MLPH: variants seen among roughly 807,000 people sequenced by gnomAD.
MLPH encodes the protein melanophilin.
In MLPH, 51 loss-of-function variants were observed where a neutral mutation model predicts 72.1. That is an observed-to-expected ratio of 0.71 (90% CI 0.56 to 0.89). The LOEUF (loss-of-function observed/expected upper bound fraction) is 0.89. MLPH is among the 40% of genes least tolerant of loss of function. MLPH has a pLI of 0.00. For missense variants in MLPH, 743 were observed against 759.9 expected (o/e 0.98, Z 0.26); for synonymous variants, 301 against 310.1 (o/e 0.97, Z 0.31).
chr2:237,495,560 G>T (rs959344195), intron 2 of MLPH, among the ~76,000 whole-genome samples: 1 of 152,182 alleles, frequency 6.6e-6, no homozygotes, highest in Non-Finnish European at 1.5e-5. Flanking sequence ...GCTGAACAGG[G>T]TCCGCAACAA....
At chr2:237,529,209 A>C (rs1041115423) in intron 8 of MLPH, among the ~76,000 whole-genome samples, 4 of 151,932 alleles carry the variant, frequency 2.6e-5, no homozygotes, top group Admixed American at 6.6e-5. Flanking sequence ...CGCCCGGCTA[A>C]TTTTTGTATT....
In MLPH at chr2:237,505,157, A is replaced by T. The variant is rs992197598; in HGVS notation, c.111-5417A>T. On this transcript the variant is annotated intron_variant, in intron 2 of 15. Transcript: ENST00000264605. This position sits in a 1 kb window ranked among gnomAD's most constrained non-coding sequence, Gnocchi z 4.5. ...GGTTGATGGGGTCTGGACTCCACAC[A>T]CTGTCCCCACCTCCTTGCTGGTCCT... Among the ~76,000 whole-genome samples the T allele has an allele frequency of 6.6e-6, 1 of 151,960 alleles. No individual in the cohort carries two copies. Among genetic ancestry groups the T allele is most frequent in the Admixed American group, 6.5e-5 (1 of 15,270 alleles).
intron 2 of MLPH, among the ~76,000 whole-genome samples, chr2:237,501,164 C>A (rs959644761): frequency 2.2e-4 from 33 of 152,174 alleles, no homozygotes; most frequent in African/African-American, 6.8e-4. Context: ...CTGCCGGCAT[C>A]TAAGCCCCAT....
In MLPH at chr2:237,540,288, C is replaced by G. The variant is rs537644580; in HGVS notation, c.1105-60C>G. ...CCTGGCCCATCTCCCAGAGCCAGCC[C>G]TGGAGCTCCATGGCTCCAGATGGCT... On this transcript the variant is annotated intron_variant, in intron 9 of 15. Coordinates refer to ENST00000264605, the MANE Select transcript of MLPH (RefSeq NM_024101.7). 206 of 1,593,800 alleles carry G rather than the reference C, an allele frequency of 1.3e-4. No individual in the cohort carries two copies. The African/African-American group carries it at 2.3e-3, about 17-fold the overall frequency.
At position 237,544,452 on chromosome 2, in the gene MLPH, G is replaced by A. The variant is rs868426864; in HGVS notation, c.1539+1793G>A. Among the ~76,000 whole-genome samples the A allele has an allele frequency of 6.3e-4, 34 of 54,006 alleles. 12 individuals are homozygous for A. Among genetic ancestry groups the A allele is most frequent in the African/African-American group, 4.1e-3 (28 of 6,868 alleles). The allele number at this position is 54,006 out of a possible 152,430, so 35.4% of individuals were successfully genotyped here. On this transcript the variant is annotated intron_variant, in intron 12 of 15. Coordinates refer to ENST00000264605, the MANE Select transcript of MLPH (RefSeq NM_024101.7). ...TGGTGAATGGGCACGGTAGTGAGTG[G>A]GGGGACAGTAGTGAGTGGGGACAGT...
At chr2:237,491,381 A>G (rs1028631138) in intron 1 of MLPH, among the ~76,000 whole-genome samples, 15 of 152,204 alleles carry the variant, frequency 9.9e-5, no homozygotes, top group African/African-American at 3.4e-4. Flanking sequence ...CCAGTCATCC[A>G]TTCCCCAAAG....
intron 12 of MLPH, 22 bp downstream of exon 12, chr2:237,542,681 G>A (rs373119674): frequency 5.7e-4 from 859 of 1,508,628 alleles, no homozygotes; most frequent in Non-Finnish European, 7.4e-4. Flanking sequence ...GCAGTGGTGA[G>A]TGGAGACAGT....
rs762468813 is a variant in MLPH, at chr2:237,527,360, C to A, written c.881-17C>A. 2.3e-5 allele frequency: 37 copies of A among 1,614,014 alleles called. No homozygotes were observed. In the South Asian group the frequency reaches 3.7e-4, roughly 16 times the overall value. ...GGTTTTCACTGCAAGTAATTCAAAC[C>A]CACTCTCGCTCTGAAGGGTCGAATG... On this transcript the variant is annotated splice_polypyrimidine_tract_variant and intron_variant, in intron 7 of 15. Transcript: ENST00000264605.
At chr2:237,545,232 T>TGGGGACAGTGGTGAGTC (rs1207166308) in intron 12 of MLPH, among the ~76,000 whole-genome samples, 8 of 124,244 alleles carry the variant, frequency 6.4e-5, no homozygotes, top group African/African-American at 2.7e-4. Flanking sequence ...CAGTGGTGAG[T>TGGGGACAGTGGTGAGTC]GGGGCACAGT....
In MLPH at chr2:237,505,599, A is replaced by G. The variant is rs2079751163; in HGVS notation, c.111-4975A>G. 6.6e-6 allele frequency among the ~76,000 whole-genome samples: 1 copy of G among 152,042 alleles called. No individual in the cohort carries two copies. Among genetic ancestry groups the G allele is most frequent in the Non-Finnish European group, 1.5e-5 (1 of 67,984 alleles). ...CTCCCCAGTATTCCTGCATGTTGCCACCACACCCCTGTCTAGATTTCACCC... is the reference window on the plus strand; with the variant it reads ...CTCCCCAGTATTCCTGCATGTTGCCGCCACACCCCTGTCTAGATTTCACCC... On this transcript the variant is annotated intron_variant, in intron 2 of 15. Transcript: ENST00000264605. This position sits in a 1 kb window ranked among gnomAD's most constrained non-coding sequence, Gnocchi z 4.5.
chr2:237,528,102 G>A (rs2080342335), intron 8 of MLPH, among the ~76,000 whole-genome samples: 1 of 152,156 alleles, frequency 6.6e-6, no homozygotes, highest in South Asian at 2.1e-4. Flanking sequence ...AACTAGAATA[G>A]TAGTCACCAG....
At chr2:237,524,702 A>G (rs1270988983) in intron 6 of MLPH, among the ~76,000 whole-genome samples, 1 of 152,188 alleles carries the variant, frequency 6.6e-6, no homozygotes, top group Non-Finnish European at 1.5e-5. Context: ...ATCATCATAG[A>G]TGCTGTACCT....
chr2:237,530,951 G>A (rs770706591), intron 8 of MLPH, among the ~76,000 whole-genome samples: 4 of 152,212 alleles, frequency 2.6e-5, no homozygotes, highest in Admixed American at 6.5e-5. Context: ...TCTGCAACAC[G>A]GAACACACAC....
intron 8 of MLPH, among the ~76,000 whole-genome samples, chr2:237,530,712 G>C (rs190949996): frequency 2.0e-5 from 3 of 152,188 alleles, no homozygotes; most frequent in Non-Finnish European, 4.4e-5. Context: ...TCACCCATTG[G>C]GGCCCACAAT....
intron 2 of MLPH, among the ~76,000 whole-genome samples, chr2:237,507,976 A>G (rs1390962065): frequency 6.6e-6 from 1 of 152,196 alleles, no homozygotes; most frequent in Non-Finnish European, 1.5e-5. Context: ...ACGTGGCACA[A>G]GAGCTTCCTG....
chr2:237,498,593 C>T (rs942035584), intron 2 of MLPH, among the ~76,000 whole-genome samples: 2 of 152,166 alleles, frequency 1.3e-5, no homozygotes, highest in East Asian at 1.9e-4. Flanking sequence ...TGTGGACATT[C>T]GGTGACGCAC....
intron 8 of MLPH, 188 bp downstream of exon 8, chr2:237,527,704 TAA>T: frequency 1.3e-6 from 1 of 757,648 alleles, no homozygotes; most frequent in Non-Finnish European, 2.1e-6. Flanking sequence ...AACAGAAAAT[TAA>T]CCATCTTAGT....
Position 237,540,946 on chromosome 2 carries a change from G to T in MLPH, c.1435G>T (p.Ala479Ser). 6.2e-7 allele frequency: 1 copy of T among 1,606,098 alleles called. No homozygotes were observed. Among genetic ancestry groups the T allele is most frequent in the Non-Finnish European group, 8.5e-7 (1 of 1,177,010 alleles). The change falls in exon 11 of 16, where the codon GCA becomes TCA. Residue 479 changes from alanine (A) to serine (S), a missense_variant. Ala to Ser is a moderately conservative substitution (Grantham distance 99). Coordinates refer to ENST00000264605, the MANE Select transcript of MLPH (RefSeq NM_024101.7). ...AGTGACGGCCTCAGAAGTCCAGCAGGCAGAGAGCGAGGTAGCCCAGAAGGC... is the reference window on the plus strand; with the variant it reads ...AGTGACGGCCTCAGAAGTCCAGCAGTCAGAGAGCGAGGTAGCCCAGAAGGC... ...VAVTASEVQQ[A>S]ESEVSDIESR...
intron 14 of MLPH, among the ~76,000 whole-genome samples, chr2:237,550,220 G>C: frequency 6.6e-6 from 1 of 152,084 alleles, no homozygotes; most frequent in Non-Finnish European, 1.5e-5. Flanking sequence ...TCTCCCCCGG[G>C]GCTCTCCACC....
Sources: gnomAD v4.1 joint callset for allele counts (sites outside exome capture counted in the v4.1 genomes callset) on GRCh38, gnomAD v4.1.1 for gene constraint, Gnocchi (gnomAD v3.1) non-coding constraint, MANE v1.5 for transcripts, NCBI Gene and HGNC (gene_info 2026-07-23, HGNC 2026-07-21) for gene names.